STS: variants seen among roughly 807,000 people sequenced by gnomAD.
STS encodes steryl-sulfatase.
STS carries 7 observed loss-of-function variants against 26.8 expected under a neutral mutation model. The ratio of observed to expected loss-of-function variants is 0.26; its 90% CI spans 0.15 to 0.49. The LOEUF (loss-of-function observed/expected upper bound fraction) is 0.49, where lower values mean the gene tolerates loss of function less well. STS is among the 20% of genes least tolerant of loss of function. STS has a pLI of 0.98. For synonymous variants in STS, 199 were observed against 189.4 expected (o/e 1.05, Z -0.42); for missense variants, 434 against 465.6 (o/e 0.93, Z 0.63).
chrX:7,206,566 G>T (rs1235946288), intron 2 of STS, among the ~76,000 whole-genome samples: 3 of 111,638 alleles, frequency 2.7e-5, no homozygotes, highest in Non-Finnish European at 3.8e-5. Flanking sequence ...CTGCAAAAAT[G>T]GCTATTTCAA....
At chrX:7,203,289 C>T (rs1934107890) in intron 2 of STS, among the ~76,000 whole-genome samples, 1 of 112,143 alleles carries the variant, frequency 8.9e-6, no homozygotes, top group African/African-American at 3.2e-5. Flanking sequence ...TTCTCTGCAA[C>T]AGGTATTTAT....
rs368938447 is a variant in STS, at chrX:7,334,009, T to C, written c.1265T>C (p.Met422Thr). Residue 422 changes from methionine (M) to threonine (T), a missense_variant, in exon 10 of 11, where the codon ATG becomes ACG. This residue lies in a region of STS where 205 missense variants were observed against 177.3 expected (regional missense o/e 1.16). Coordinates refer to ENST00000674429, the MANE Select transcript of STS (RefSeq NM_001320752.2). ...EDRIIDGRDL[M>T]PLLEGKSQRS... ...AGGATCATTGATGGACGTGATCTGATGCCCCTGCTTGAAGGAAAAAGCCAA... is the reference window on the plus strand; with the variant it reads ...AGGATCATTGATGGACGTGATCTGACGCCCCTGCTTGAAGGAAAAAGCCAA... 5 of 1,209,698 alleles carry C rather than the reference T, an allele frequency of 4.1e-6. No homozygotes were observed. Among genetic ancestry groups the C allele is most frequent in the Non-Finnish European group, 5.6e-6 (5 of 895,051 alleles).
chrX:7,173,824 C>A (rs748375218), intron 1 of STS, among the ~76,000 whole-genome samples: 16 of 112,008 alleles, frequency 1.4e-4, no homozygotes, highest in Admixed American at 1.2e-3. Flanking sequence ...CTTTATCCTG[C>A]AGATCAAATA....
At chrX:7,216,341 C>T (rs1259876473) in intron 2 of STS, among the ~76,000 whole-genome samples, 2 of 111,545 alleles carry the variant, frequency 1.8e-5, no homozygotes, top group Non-Finnish European at 3.8e-5. Flanking sequence ...AAAAATCAAA[C>T]TTCAACAGGG....
intron 1 of STS, among the ~76,000 whole-genome samples, chrX:7,148,632 CA>C (rs1434812004): frequency 8.9e-6 from 1 of 112,490 alleles, no homozygotes; most frequent in African/African-American, 3.2e-5. Context: ...CCCGAGCCCC[CA>C]GTCCCTGGAC....
chrX:7,236,633 A>G (rs768761614), intron 2 of STS, among the ~76,000 whole-genome samples: 1 of 100,478 alleles, frequency 1.0e-5, no homozygotes, highest in Non-Finnish European at 2.1e-5. Context: ...TTCTAATATT[A>G]CTTACCAATA....
chrX:7,228,922 T>A (rs1361829108), intron 2 of STS, among the ~76,000 whole-genome samples: 1 of 112,586 alleles, frequency 8.9e-6, no homozygotes, highest in African/African-American at 3.2e-5. Flanking sequence ...ATTTCTGATG[T>A]TACATCTATT....
At chrX:7,192,272 G>A (rs1021694745) in intron 2 of STS, among the ~76,000 whole-genome samples, 18 of 111,905 alleles carry the variant, frequency 1.6e-4, no homozygotes, top group Non-Finnish European at 3.0e-4. Context: ...TGTAAAAAGC[G>A]ACTTAAAGAT....
At chrX:7,164,576 A>G (rs1197331818) in intron 1 of STS, among the ~76,000 whole-genome samples, 2 of 111,096 alleles carry the variant, frequency 1.8e-5, no homozygotes, top group African/African-American at 6.6e-5. Context: ...CTTCCCAGCC[A>G]ATTACCTAAG....
chrX:7,198,828 G>A (rs1934017766), intron 2 of STS, among the ~76,000 whole-genome samples: 1 of 112,537 alleles, frequency 8.9e-6, no homozygotes, highest in African/African-American at 3.2e-5. Flanking sequence ...CTCAAATAGG[G>A]TGAAGCCTAA....
At chrX:7,156,568 A>G (rs1933140070) in intron 1 of STS, among the ~76,000 whole-genome samples, 1 of 111,329 alleles carries the variant, frequency 9.0e-6, no homozygotes, top group South Asian at 3.7e-4. Context: ...CATTTAAACC[A>G]CTCTGAAAGA....
chrX:7,299,473 A>G (rs1318765166), intron 7 of STS, among the ~76,000 whole-genome samples: 1 of 104,932 alleles, frequency 9.5e-6, no homozygotes, highest in East Asian at 2.9e-4. Flanking sequence ...ATATATACAT[A>G]TATGTGTGTG....
intron 7 of STS, among the ~76,000 whole-genome samples, chrX:7,296,152 G>T (rs1925651210): frequency 9.0e-6 from 1 of 111,432 alleles, no homozygotes; most frequent in Non-Finnish European, 1.9e-5. Context: ...ACCTCCAGTT[G>T]GATATTGCTG....
At chrX:7,344,149 T>C (rs1928418854) in intron 10 of STS, among the ~76,000 whole-genome samples, 1 of 112,042 alleles carries the variant, frequency 8.9e-6, no homozygotes, top group Admixed American at 9.5e-5. Context: ...GGCGAATTTG[T>C]GCTATGATAA....
At chrX:7,199,485 C>T (rs1011097090) in intron 2 of STS, among the ~76,000 whole-genome samples, 1 of 111,768 alleles carries the variant, frequency 8.9e-6, no homozygotes, top group Non-Finnish European at 1.9e-5. Context: ...ACAGTTTCCT[C>T]TTCTCTTAAC....
At chrX:7,183,200 A>G (rs1167869475) in intron 1 of STS, among the ~76,000 whole-genome samples, 1 of 111,726 alleles carries the variant, frequency 9.0e-6, no homozygotes, top group Non-Finnish European at 1.9e-5. Context: ...ACAGGTCTTC[A>G]TGTCCAATTT....
At chrX:7,227,413 G>T (rs1451603660) in intron 2 of STS, among the ~76,000 whole-genome samples, 1 of 106,867 alleles carries the variant, frequency 9.4e-6, no homozygotes, top group Admixed American at 1.0e-4. Flanking sequence ...CCATTGTTCA[G>T]TTCTAGTTAC....
chrX:7,260,825 G>A (rs1289696901), intron 6 of STS, among the ~76,000 whole-genome samples: 1 of 111,589 alleles, frequency 9.0e-6, no homozygotes, highest in African/African-American at 3.3e-5. Flanking sequence ...AAATATTTTG[G>A]ATTAATCTCT....
intron 1 of STS, among the ~76,000 whole-genome samples, chrX:7,153,917 T>G (rs1207011974): frequency 9.2e-6 from 1 of 108,711 alleles, no homozygotes; most frequent in African/African-American, 3.4e-5. Flanking sequence ...CTTCCTTCCC[T>G]TCCTTTCTTT....
Sources: gnomAD v4.1 joint callset for allele counts (sites outside exome capture counted in the v4.1 genomes callset) on GRCh38, gnomAD v4.1.1 for gene constraint, gnomAD v4.1.1 regional missense constraint, MANE v1.5 for transcripts, NCBI Gene and HGNC (gene_info 2026-07-23, HGNC 2026-07-21) for gene names.